Variants in LRRC8D observed in about 807,000 individuals in gnomAD.
LRRC8D encodes the protein leucine rich repeat containing 8 VRAC subunit D, also known as volume-regulated anion channel subunit LRRC8D.
LRRC8D carries 20 observed loss-of-function variants against 55.8 expected under a neutral mutation model. That is an observed-to-expected ratio of 0.36 (90% CI 0.25 to 0.52). The LOEUF is 0.52. LRRC8D is among the 20% of genes least tolerant of loss of function. The pLI, the probability that LRRC8D is intolerant of heterozygous loss-of-function variation, is 0.93. For synonymous variants in LRRC8D, 352 were observed against 377.0 expected (o/e 0.93, Z 0.77); for missense variants, 651 against 1,030.8 (o/e 0.63, Z 5.05).
At chr1:89,884,486 T>C (rs1034238597) in intron 2 of LRRC8D, among the ~76,000 whole-genome samples, 4 of 152,240 alleles carry the variant, frequency 2.6e-5, no homozygotes, top group African/African-American at 4.8e-5. Context: ...GTATTGAATA[T>C]TTAGGGGCAT....
chr1:89,822,830 A>C (rs1417315318), intron 1 of LRRC8D, among the ~76,000 whole-genome samples: 1 of 152,184 alleles, frequency 6.6e-6, no homozygotes, highest in Non-Finnish European at 1.5e-5. Context: ...CCAAACACCT[A>C]CTGTCAGCTA....
intron 2 of LRRC8D, among the ~76,000 whole-genome samples, chr1:89,923,529 T>G (rs936757232): frequency 5.3e-5 from 8 of 152,134 alleles, no homozygotes; most frequent in African/African-American, 1.9e-4. Flanking sequence ...GTAGATACAG[T>G]GCTATTCCTA....
chr1:89,907,345 C>T (rs1006341092), intron 2 of LRRC8D, among the ~76,000 whole-genome samples: 6 of 152,004 alleles, frequency 3.9e-5, no homozygotes, highest in African/African-American at 1.2e-4. Context: ...CACAGACCAC[C>T]ACACCTGGCT....
At position 89,862,886 on chromosome 1, in the gene LRRC8D, G is replaced by A. The variant is rs536970269; in HGVS notation, c.-3+19104G>A. On this transcript the variant is annotated intron_variant, in intron 2 of 2. Transcript: ENST00000337338. Reference sequence around the variant, plus strand: ...CCCCTTGGCTTCCAGCAGGAAGGGTGTTTTCTCCCGTGATTTCATGGATGA... The same window carrying A: ...CCCCTTGGCTTCCAGCAGGAAGGGTATTTTCTCCCGTGATTTCATGGATGA... Among the ~76,000 whole-genome samples the A allele has an allele frequency of 3.3e-5, 5 of 152,220 alleles. 1 individual carries two copies. The highest frequency in any genetic ancestry group is 1.2e-4 in the African/African-American group (5 of 41,546).
chr1:89,837,978 C>G (rs554840062), intron 1 of LRRC8D, among the ~76,000 whole-genome samples: 1 of 152,204 alleles, frequency 6.6e-6, no homozygotes, highest in South Asian at 2.1e-4. Flanking sequence ...TTTAAGAACA[C>G]TTCTTAATAA....
intron 2 of LRRC8D, among the ~76,000 whole-genome samples, chr1:89,885,207 T>G (rs1418025197): frequency 6.6e-6 from 1 of 152,212 alleles, no homozygotes; most frequent in Non-Finnish European, 1.5e-5. Flanking sequence ...TTATGACTAC[T>G]CAGTACGAAT....
rs1322963966 is a variant in LRRC8D at position 89,933,409 on chromosome 1, C to T, written c.341C>T (p.Thr114Ile). ...AVTPDIPLRA[T>I]YPRTDFALPN... The stretch of plus-strand genomic sequence containing the variant: ...ACACCTGACATACCTCTCAGAGCCA[C>T]ATATCCTCGCACAGATTTCGCACTT... The change falls in exon 3 of 3, where the codon ACA becomes ATA. Residue 114 changes from threonine (T) to isoleucine (I), a missense_variant. Thr to Ile is a moderately conservative substitution (Grantham distance 89). This residue lies in a region of LRRC8D where 118 missense variants were observed against 138.0 expected (regional missense o/e 0.85). Transcript: ENST00000337338. The surrounding 1 kb of genome is among the most constrained non-coding windows in gnomAD (Gnocchi z 7.0). 4 of 1,613,996 alleles carry T rather than the reference C, an allele frequency of 2.5e-6. No homozygotes were observed. The highest frequency in any genetic ancestry group is 1.7e-5 in the Admixed American group (1 of 59,990).
At chr1:89,922,973 G>A (rs1029696987) in intron 2 of LRRC8D, among the ~76,000 whole-genome samples, 4 of 152,042 alleles carry the variant, frequency 2.6e-5, no homozygotes, top group African/African-American at 9.7e-5. Context: ...TCTGATTTTT[G>A]AACTGTTACT....
rs1258649150 is a variant in LRRC8D at position 89,933,412 on chromosome 1, A to G, written c.344A>G (p.Tyr115Cys). ...VTPDIPLRATYPRTDFALPNQ... is the reference protein window; with the variant it reads ...VTPDIPLRATCPRTDFALPNQ... The stretch of plus-strand genomic sequence containing the variant: ...CCTGACATACCTCTCAGAGCCACAT[A>G]TCCTCGCACAGATTTCGCACTTCCA... The change falls in exon 3 of 3, where the codon TAT becomes TGT. Residue 115 changes from tyrosine to cysteine, a missense_variant. This residue lies in a region of LRRC8D where 118 missense variants were observed against 138.0 expected (regional missense o/e 0.85). Coordinates refer to ENST00000337338, the MANE Select transcript of LRRC8D (RefSeq NM_001134479.2). This position sits in a 1 kb window ranked among gnomAD's most constrained non-coding sequence, Gnocchi z 7.0. 3.1e-6 allele frequency: 5 copies of G among 1,614,166 alleles called. No homozygotes were observed. The highest frequency in any genetic ancestry group is 4.2e-6 in the Non-Finnish European group (5 of 1,180,038).
rs567050806 is a variant in LRRC8D at position 89,911,641 on chromosome 1, C to T, written c.-2-21426C>T. On this transcript the variant is annotated intron_variant, in intron 2 of 2. Coordinates refer to ENST00000337338, the MANE Select transcript of LRRC8D (RefSeq NM_001134479.2). This position sits in a 1 kb window ranked among gnomAD's most constrained non-coding sequence, Gnocchi z 4.0. ...CTGTTGTACCAGCCTTTTGTTTCAT[C>T]CCCAGCTGAGATTTGAGAGGTGAAT... is the stretch of plus-strand genomic sequence containing the variant. Among the ~76,000 whole-genome samples the T allele has an allele frequency of 6.6e-6, 1 of 152,194 alleles. No individual in the cohort carries two copies. Among genetic ancestry groups the T allele is most frequent in the East Asian group, 1.9e-4 (1 of 5,160 alleles).
At chr1:89,887,639 T>G (rs1395994281) in intron 2 of LRRC8D, among the ~76,000 whole-genome samples, 1 of 152,226 alleles carries the variant, frequency 6.6e-6, no homozygotes, top group Non-Finnish European at 1.5e-5. Context: ...AATTATTAAC[T>G]TCCCTGGTAA....
intron 2 of LRRC8D, among the ~76,000 whole-genome samples, chr1:89,888,899 C>A (rs1237151228): frequency 6.6e-6 from 1 of 152,158 alleles, no homozygotes; most frequent in African/African-American, 2.4e-5. Flanking sequence ...ATGATTGAAT[C>A]AATAAATAAA....
intron 2 of LRRC8D, among the ~76,000 whole-genome samples, chr1:89,898,097 C>A (rs749881711): frequency 7.9e-5 from 12 of 152,044 alleles, no homozygotes; most frequent in Non-Finnish European, 1.8e-4. Context: ...CACAGGCAGC[C>A]GATACTGAGA....
chr1:89,881,810 G>A (rs1662293227), intron 2 of LRRC8D, among the ~76,000 whole-genome samples: 1 of 152,204 alleles, frequency 6.6e-6, no homozygotes, highest in Non-Finnish European at 1.5e-5. Context: ...CAAATTCATA[G>A]TTGAGTGGTC....
intron 2 of LRRC8D, among the ~76,000 whole-genome samples, chr1:89,882,868 C>G (rs1277665792): frequency 6.6e-6 from 1 of 152,100 alleles, no homozygotes; most frequent in Non-Finnish European, 1.5e-5. Context: ...GAAATAGCCA[C>G]TTGTTAGGCC....
At chr1:89,875,612 G>T (rs192796491) in intron 2 of LRRC8D, among the ~76,000 whole-genome samples, 2 of 152,174 alleles carry the variant, frequency 1.3e-5, no homozygotes, top group Admixed American at 1.3e-4. Context: ...ATACAACAGT[G>T]TAACTTCCAC....
chr1:89,932,917 C>CT (rs1434296218), intron 2 of LRRC8D, 150 bp from the exon 3 acceptor site: 46 of 644,328 alleles, frequency 7.1e-5, no homozygotes, highest in Non-Finnish European at 1.0e-4. Context: ...GTATATTCCC[C>CT]TTTTAGTTTA....
rs574705027 is a variant in LRRC8D at position 89,860,531 on chromosome 1, G to A, written c.-3+16749G>A. ...TCCTAGCACTTTGTGAGGCCAGGGC[G>A]GGCAGATCATGAGGTCAAGAGATCG... On this transcript the variant is annotated intron_variant, in intron 2 of 2. Coordinates refer to ENST00000337338, the MANE Select transcript of LRRC8D (RefSeq NM_001134479.2). Among the ~76,000 whole-genome samples, 78 of 151,588 alleles carry A rather than the reference G, an allele frequency of 5.1e-4. 1 individual carries two copies. Among genetic ancestry groups the A allele is most frequent in the Non-Finnish European group, 8.1e-4 (55 of 67,930 alleles).
intron 2 of LRRC8D, among the ~76,000 whole-genome samples, chr1:89,909,693 C>T (rs1396748579): frequency 1.3e-5 from 2 of 151,950 alleles, no homozygotes; most frequent in South Asian, 4.2e-4. Flanking sequence ...GGTGAAACCC[C>T]GTCTCTACTA....
Sources: gnomAD v4.1 joint callset for allele counts (sites outside exome capture counted in the v4.1 genomes callset) on GRCh38, gnomAD v4.1.1 for gene constraint, gnomAD v4.1.1 regional missense constraint, Gnocchi (gnomAD v3.1) non-coding constraint, MANE v1.5 for transcripts, NCBI Gene and HGNC (gene_info 2026-07-23, HGNC 2026-07-21) for gene names.